Variants in LRRC40 observed in about 807,000 individuals in gnomAD.
The protein encoded by LRRC40 is leucine rich repeat containing 40.
LRRC40 carries 76 observed loss-of-function variants against 72.8 expected under a neutral mutation model. That is an observed-to-expected ratio of 1.04 (90% CI 0.87 to 1.26). The LOEUF (loss-of-function observed/expected upper bound fraction) is 1.26. Ranked by LOEUF, LRRC40 falls within the 50% of genes most tolerant of loss-of-function variation. LRRC40 has a pLI of 0.00. For missense variants in LRRC40, 684 were observed against 698.9 expected (o/e 0.98, Z 0.24); for synonymous variants, 243 against 254.2 (o/e 0.96, Z 0.42).
intron 9 of LRRC40, among the ~76,000 whole-genome samples, chr1:70,161,245 C>T (rs1332297878): frequency 5.3e-5 from 8 of 151,756 alleles, no homozygotes; most frequent in Non-Finnish European, 1.2e-4. Context: ...CCACCACGCC[C>T]AGCTAATTTT....
At chr1:70,169,150 T>A (rs1484087464) in intron 9 of LRRC40, among the ~76,000 whole-genome samples, 1 of 152,038 alleles carries the variant, frequency 6.6e-6, no homozygotes, top group Non-Finnish European at 1.5e-5. Flanking sequence ...TGGCACAACA[T>A]CCTGTTCCCA....
intron 11 of LRRC40, among the ~76,000 whole-genome samples, chr1:70,153,044 C>T (rs887540120): frequency 2.6e-5 from 4 of 151,990 alleles, no homozygotes; most frequent in Admixed American, 2.6e-4. Context: ...AGTTTTATTC[C>T]TGTTATTAAT....
At chr1:70,182,498 TCTAAAATAAAAAGC>T (rs1183763262) in intron 4 of LRRC40, among the ~76,000 whole-genome samples, 2 of 152,130 alleles carry the variant, frequency 1.3e-5, no homozygotes, top group East Asian at 3.9e-4. Context: ...CTAAAATTAT[TCTAAAATAAAAAGC>T]CTAAAATAAA....
In LRRC40 at chr1:70,184,911, A is replaced by G. The variant is rs1280422190; in HGVS notation, c.411T>C (p.His137=). 2 of 1,595,980 alleles carry G rather than the reference A, an allele frequency of 1.3e-6. No homozygotes were observed. The highest frequency in any genetic ancestry group is 1.7e-6 in the Non-Finnish European group (2 of 1,167,082). Residue 137 remains histidine, a synonymous_variant, in exon 4 of 15, where the codon CAT becomes CAC. Transcript: ENST00000370952. ...LENLQKLNVS[H]NKLKILPEEI... ...CTTCAGGGAGTATTTTCAGTTTATT[A>G]TGGCTATTGGTTGATAAAATAAATG...
At chr1:70,158,978 T>C (rs1300185189) in intron 10 of LRRC40, among the ~76,000 whole-genome samples, 3 of 152,208 alleles carry the variant, frequency 2.0e-5, no homozygotes, top group Non-Finnish European at 4.4e-5. Flanking sequence ...GAATGGACAC[T>C]GAAGGTCATT....
At chr1:70,152,944 C>T (rs946374479) in intron 11 of LRRC40, among the ~76,000 whole-genome samples, 3 of 152,098 alleles carry the variant, frequency 2.0e-5, no homozygotes, top group Non-Finnish European at 4.4e-5. Flanking sequence ...TTTTCTACTA[C>T]ATAAGTAGTG....
intron 1 of LRRC40, among the ~76,000 whole-genome samples, chr1:70,203,086 T>G (rs1264275062): frequency 1.3e-5 from 2 of 152,156 alleles, no homozygotes; most frequent in African/African-American, 2.4e-5. Context: ...AGATGGGGTC[T>G]CACTATGTTG....
At position 70,151,309 on chromosome 1, in the gene LRRC40, T is replaced by C. The variant is rs1042051927; in HGVS notation, c.1440-104A>G. 7.8e-5 allele frequency: 50 copies of C among 644,078 alleles called. No individual in the cohort carries two copies. The East Asian group carries it at 9.2e-4, about 12-fold the overall frequency. The allele number at this position is 644,078 out of a possible 1,614,324, so 39.9% of individuals were successfully genotyped here. On this transcript the variant is annotated intron_variant, in intron 12 of 14. Transcript: ENST00000370952. Reference sequence around the variant, plus strand: ...AGGAAAAAAAAATATGTAGATCAGTTTGTCAATCCTTGATCTGACTTTATA... The same window carrying C: ...AGGAAAAAAAAATATGTAGATCAGTCTGTCAATCCTTGATCTGACTTTATA...
intron 1 of LRRC40, among the ~76,000 whole-genome samples, 155 bp from the exon 2 acceptor site, chr1:70,189,428 ATAAC>A (rs1668444554): frequency 6.6e-6 from 1 of 152,226 alleles, no homozygotes; most frequent in African/African-American, 2.4e-5. Flanking sequence ...AGCAATAAAT[ATAAC>A]TAGAGTGAAA....
intron 9 of LRRC40, among the ~76,000 whole-genome samples, chr1:70,173,072 GT>G (rs1223139425): frequency 6.6e-6 from 1 of 151,980 alleles, no homozygotes; most frequent in African/African-American, 2.4e-5. Context: ...TTTTGTCAGA[GT>G]TTAGCAAAGC....
chr1:70,146,244 C>CA (rs1667289095), intron 14 of LRRC40, among the ~76,000 whole-genome samples: 2 of 152,068 alleles, frequency 1.3e-5, no homozygotes, highest in Admixed American at 1.3e-4. Context: ...AGGCTGGTCT[C>CA]AAACTCCTGG....
chr1:70,196,100 GTTTC>G (rs990393417), intron 1 of LRRC40, among the ~76,000 whole-genome samples: 40 of 149,426 alleles, frequency 2.7e-4, no homozygotes, highest in East Asian at 1.2e-3. Context: ...CCTACGAAAT[GTTTC>G]TTTCTAAGAA....
chr1:70,201,340 AAAT>A (rs1408143805), intron 1 of LRRC40, among the ~76,000 whole-genome samples: 1 of 152,228 alleles, frequency 6.6e-6, no homozygotes, highest in African/African-American at 2.4e-5. Context: ...TATGAAAAGA[AAAT>A]AATAATCACT....
chr1:70,148,740 T>C, intron 13 of LRRC40, 68 bp from the exon 14 acceptor site: 1 of 957,978 alleles, frequency 1.0e-6, no homozygotes. Context: ...TAAAACATAT[T>C]ATCTTAAATT....
chr1:70,163,524 ACCT>A lies in LRRC40; in HGVS notation c.1112-4089_1112-4087del, dbSNP rs367794501. Reference sequence around the variant, plus strand: ...GTTCTTCTCACATCCTATTACGCTGACCTCCTCTTCTGCTTCTCTCTTCTACTT... The same window carrying A: ...GTTCTTCTCACATCCTATTACGCTGACCTCTTCTGCTTCTCTCTTCTACTT... On this transcript the variant is annotated intron_variant, in intron 9 of 14. Coordinates refer to ENST00000370952, the MANE Select transcript of LRRC40 (RefSeq NM_017768.5). Among the ~76,000 whole-genome samples the A allele has an allele frequency of 3.9e-3, 597 of 151,996 alleles. 4 individuals are homozygous for A. The highest frequency in any genetic ancestry group is 0.013 in the African/African-American group (556 of 41,416).
At chr1:70,178,241 G>C (rs1422192271) in intron 6 of LRRC40, among the ~76,000 whole-genome samples, 1 of 152,076 alleles carries the variant, frequency 6.6e-6, no homozygotes, top group Non-Finnish European at 1.5e-5. Flanking sequence ...ATTTTCATTA[G>C]TGATTATTTT....
chr1:70,200,184 G>A (rs1668705005), intron 1 of LRRC40, among the ~76,000 whole-genome samples: 1 of 152,072 alleles, frequency 6.6e-6, no homozygotes, highest in Non-Finnish European at 1.5e-5. Context: ...ATCAGGAATG[G>A]GGTCAGGTAC....
chr1:70,202,097 T>C (rs923506009), intron 1 of LRRC40, among the ~76,000 whole-genome samples: 5 of 152,218 alleles, frequency 3.3e-5, no homozygotes, highest in Admixed American at 1.3e-4. Context: ...CATTTATTAC[T>C]TGTGGAAATA....
Position 70,189,163 on chromosome 1 carries a change from T to C in LRRC40, c.262A>G (p.Ile88Val). The change falls in exon 2 of 15, where the codon ATA becomes GTA. Residue 88 changes from isoleucine to valine, a missense_variant. Physicochemically the swap from Ile to Val is conservative, Grantham distance 29 (BLOSUM62 3). Transcript: ENST00000370952. ...GACTGAAGTTTATTGTTTGATATTA[T>C]TAGTTTGGTCAAATCTGTCTGCTCC... ...WWEQTDLTKL[I>V]ISNNKLQSLT... 2 of 1,613,802 alleles carry C rather than the reference T, an allele frequency of 1.2e-6. No individual in the cohort carries two copies. Among genetic ancestry groups the C allele is most frequent in the Non-Finnish European group, 8.5e-7 (1 of 1,179,962 alleles).
Sources: gnomAD v4.1 joint callset for allele counts (sites outside exome capture counted in the v4.1 genomes callset) on GRCh38, gnomAD v4.1.1 for gene constraint, MANE v1.5 for transcripts, NCBI Gene and HGNC (gene_info 2026-07-23, HGNC 2026-07-21) for gene names.